NAV2: variants seen among roughly 807,000 people sequenced by gnomAD.
NAV2 encodes the protein neuron navigator 2.
In NAV2, 54 loss-of-function variants were observed where a neutral mutation model predicts 223.2. That is an observed-to-expected ratio of 0.24 (90% CI 0.19 to 0.30). The LOEUF is 0.30. Ranked by LOEUF, NAV2 falls within the 10% of genes least tolerant of loss-of-function variation. The pLI is 1.00. For synonymous variants in NAV2, 1,279 were observed against 1,239.3 expected, an observed-to-expected ratio of 1.03 and a Z score of -0.67; for missense variants, 2,806 against 3,147.5, an observed-to-expected ratio of 0.89 and a Z score of 2.60.
At chr11:20,041,253 C>T (rs777136737) in intron 12 of NAV2, among the ~76,000 whole-genome samples, 1 of 152,176 alleles carries the variant, frequency 6.6e-6, no homozygotes, top group Non-Finnish European at 1.5e-5. Flanking sequence ...GTGGGCTCTG[C>T]AGTTAGACTC....
At chr11:19,426,304 C>T (rs763241941) in intron 1 of NAV2, among the ~76,000 whole-genome samples, 11 of 152,074 alleles carry the variant, frequency 7.2e-5, no homozygotes, top group Admixed American at 1.3e-4. Context: ...TGGGGAAGTG[C>T]GGCTGGCAGT....
chr11:19,657,196 C>T (rs899344820), intron 1 of NAV2, among the ~76,000 whole-genome samples: 3 of 152,140 alleles, frequency 2.0e-5, no homozygotes, highest in East Asian at 3.9e-4. Flanking sequence ...GTGGCTCAAC[C>T]TAGCCCTCTG....
intron 1 of NAV2, among the ~76,000 whole-genome samples, chr11:19,599,525 A>G (rs2046299023): frequency 6.6e-6 from 1 of 152,218 alleles, no homozygotes; most frequent in African/African-American, 2.4e-5. Flanking sequence ...TTAAATAAGT[A>G]AGCAAACAAG....
At chr11:19,604,785 G>T (rs992249124) in intron 1 of NAV2, among the ~76,000 whole-genome samples, 1 of 152,108 alleles carries the variant, frequency 6.6e-6, no homozygotes, top group Non-Finnish European at 1.5e-5. Context: ...AGAGGAACCT[G>T]GTCTGGGATT....
At chr11:19,556,669 A>G (rs1327454370) in intron 1 of NAV2, among the ~76,000 whole-genome samples, 1 of 152,234 alleles carries the variant, frequency 6.6e-6, no homozygotes, top group Non-Finnish European at 1.5e-5. Flanking sequence ...CTTAAGTAAC[A>G]CGATCTAGCA....
intron 1 of NAV2, among the ~76,000 whole-genome samples, chr11:19,779,149 T>C (rs1318286321): frequency 6.6e-6 from 1 of 152,162 alleles, no homozygotes; most frequent in Non-Finnish European, 1.5e-5. Flanking sequence ...GCCTGAATCT[T>C]TAGAGCTGTC....
rs550542006 is a variant in NAV2 at position 19,764,462 on chromosome 11, T to C, written c.267+50500T>C. Among the ~76,000 whole-genome samples, 25 of 152,320 alleles carry C rather than the reference T, an allele frequency of 1.6e-4. 1 individual carries two copies. Among genetic ancestry groups the C allele is most frequent in the African/African-American group, 6.0e-4 (25 of 41,566 alleles). Reference sequence around the variant, plus strand: ...CACAAGCACCAAAAAAGGAAGGGCATATTCCCAAGTAGACACAGATGTATT... The same window carrying C: ...CACAAGCACCAAAAAAGGAAGGGCACATTCCCAAGTAGACACAGATGTATT... On this transcript the variant is annotated intron_variant, in intron 1 of 37. Transcript: ENST00000349880.
chr11:19,384,470 A>G (rs1224312408), intron 1 of NAV2: 1 of 152,190 alleles, frequency 6.6e-6, no homozygotes, highest in Non-Finnish European at 1.5e-5. Context: ...TTGACTCAGG[A>G]TATCTGTGGA....
chr11:19,977,803 T>TTTC (rs1232208328), intron 10 of NAV2, among the ~76,000 whole-genome samples: 196 of 141,872 alleles, frequency 1.4e-3, no homozygotes, highest in African/African-American at 4.8e-3. Context: ...TTTTTCTTTT[T>TTTC]TTTTTTTTTT....
chr11:19,522,841 C>T (rs2043709257), intron 1 of NAV2, among the ~76,000 whole-genome samples: 1 of 152,216 alleles, frequency 6.6e-6, no homozygotes, highest in South Asian at 2.1e-4. Flanking sequence ...TCAACAGAAT[C>T]CTGATGGCAT....
At chr11:19,395,377 G>T (rs1849408410) in intron 1 of NAV2, among the ~76,000 whole-genome samples, 1 of 152,232 alleles carries the variant, frequency 6.6e-6, no homozygotes, top group African/African-American at 2.4e-5. Flanking sequence ...TGTGCAGAGT[G>T]CTTGGGATGT....
chr11:20,058,025 T>G (rs929196546), intron 19 of NAV2, among the ~76,000 whole-genome samples: 3 of 152,236 alleles, frequency 2.0e-5, no homozygotes, highest in Non-Finnish European at 4.4e-5. Context: ...AACATTATCA[T>G]CTTTTGGAAA....
intron 1 of NAV2, among the ~76,000 whole-genome samples, chr11:19,543,476 G>A (rs745583966): frequency 1.3e-5 from 2 of 151,844 alleles, no homozygotes; most frequent in Non-Finnish European, 2.9e-5. Context: ...TTCTTTTATC[G>A]CACCAAATCT....
At chr11:19,685,647 A>G (rs528500321) in intron 1 of NAV2, among the ~76,000 whole-genome samples, 2 of 152,338 alleles carry the variant, frequency 1.3e-5, no homozygotes, top group African/African-American at 4.8e-5. Context: ...CAGCCGTATG[A>G]TGATTGCAAG....
At chr11:19,438,360 G>A (rs1480514717) in intron 1 of NAV2, among the ~76,000 whole-genome samples, 1 of 152,224 alleles carries the variant, frequency 6.6e-6, no homozygotes, top group Non-Finnish European at 1.5e-5. Context: ...GGAAGCACAG[G>A]TTTGGATGCA....
intron 26 of NAV2, among the ~76,000 whole-genome samples, chr11:20,087,055 G>A (rs2060491891): frequency 1.3e-5 from 2 of 152,174 alleles, no homozygotes; most frequent in South Asian, 4.1e-4. Flanking sequence ...AGAGGACTGA[G>A]CTCTGGTGCA....
intron 1 of NAV2, among the ~76,000 whole-genome samples, chr11:19,612,113 C>T (rs2046662857): frequency 6.6e-6 from 1 of 152,370 alleles, no homozygotes; most frequent in South Asian, 2.1e-4. Context: ...CCTCTGAAGC[C>T]ATGGCCCAAG....
chr11:19,600,400 GCAAC>G (rs1332743447), intron 1 of NAV2, among the ~76,000 whole-genome samples: 19 of 152,334 alleles, frequency 1.2e-4, no homozygotes, highest in African/African-American at 4.6e-4. Context: ...ATCTGCTAAA[GCAAC>G]CAACTGCTCT....
At chr11:19,957,619 C>T (rs2047988283) in intron 10 of NAV2, among the ~76,000 whole-genome samples, 1 of 152,180 alleles carries the variant, frequency 6.6e-6, no homozygotes, top group South Asian at 2.1e-4. Context: ...GTGCAGGAAA[C>T]CTACTAGCCC....
Sources: allele counts gnomAD v4.1 joint callset (sites outside exome capture counted in the v4.1 genomes callset), GRCh38; gene constraint gnomAD v4.1.1; transcripts MANE v1.5; gene names NCBI Gene and HGNC (gene_info 2026-07-23, HGNC 2026-07-21).